The following ARHGAP8 variants were observed in gnomAD, a reference collection of about 807,000 sequenced individuals.
ARHGAP8 encodes rho GTPase-activating protein 8.
In ARHGAP8, 62 loss-of-function variants were observed where a neutral mutation model predicts 46.1. The ratio of observed to expected loss-of-function variants is 1.34; its 90% confidence interval spans 1.10 to 1.66. The LOEUF (loss-of-function observed/expected upper bound fraction) is 1.66. ARHGAP8 is among the 40% of genes most tolerant of loss of function. The pLI is 0.00. For missense variants in ARHGAP8, 923 were observed against 568.4 expected, an observed-to-expected ratio of 1.62 and a Z score of -6.34; for synonymous variants, 375 against 243.1, an observed-to-expected ratio of 1.54 and a Z score of -5.05.
chr22:44,813,630 TAC>T (rs1162388747), intron 4 of ARHGAP8, among the ~76,000 whole-genome samples: 3 of 151,260 alleles, frequency 2.0e-5, no homozygotes, highest in East Asian at 1.9e-4. Flanking sequence ...TACTTATATC[TAC>T]ACACACCTAC....
intron 3 of ARHGAP8, among the ~76,000 whole-genome samples, chr22:44,806,021 G>T (rs1928897747): frequency 6.6e-6 from 1 of 152,192 alleles, no homozygotes; most frequent in Non-Finnish European, 1.5e-5. Flanking sequence ...CAAAGGAAGG[G>T]TGCCTGCTTT....
intron 10 of ARHGAP8, among the ~76,000 whole-genome samples, chr22:44,854,478 C>T (rs2070173740): frequency 6.6e-6 from 1 of 151,952 alleles, no homozygotes; most frequent in Admixed American, 6.6e-5. Context: ...AATGATCCAC[C>T]CACCTCAACC....
intron 7 of ARHGAP8, among the ~76,000 whole-genome samples, chr22:44,844,122 T>A (rs28857274): frequency 0.24 from 36,456 of 151,634 alleles, 5,297 homozygotes; most frequent in African/African-American, 0.41. Context: ...CAGGCATGCA[T>A]CACCACGCCT....
At chr22:44,861,777 C>G (rs116545902) in intron 11 of ARHGAP8, among the ~76,000 whole-genome samples, 3 of 152,098 alleles carry the variant, frequency 2.0e-5, no homozygotes, top group East Asian at 3.9e-4. Flanking sequence ...AGTAATGACT[C>G]CCCCGTGCTG....
At chr22:44,764,708 TGGAATTCTGGCA>T (rs1344523297) in intron 1 of ARHGAP8, among the ~76,000 whole-genome samples, 2 of 152,254 alleles carry the variant, frequency 1.3e-5, no homozygotes, top group African/African-American at 2.4e-5. Context: ...TGCCACTCTC[TGGAATTCTGGCA>T]GTTCACGGGA....
chr22:44,856,965 A>G (rs1409384470), intron 10 of ARHGAP8, among the ~76,000 whole-genome samples: 1 of 138,162 alleles, frequency 7.2e-6, no homozygotes, highest in Non-Finnish European at 1.5e-5. Context: ...TTTGAGACGG[A>G]GTTTTGCTCT....
Position 44,808,349 on chromosome 22 carries a change from T to C in ARHGAP8, c.210T>C (p.Tyr70=). 6.2e-7 allele frequency: 1 copy of C among 1,614,274 alleles called. No homozygotes were observed. Among genetic ancestry groups the C allele is most frequent in the East Asian group, 2.2e-5 (1 of 44,892 alleles). The stretch of plus-strand genomic sequence containing the variant: ...TGGACCAATACGTTGAGAACGATTA[T>C]ACCATCGTCTATTTCCACTACGGGC... The part of the protein sequence containing the change: ...YTLDQYVEND[Y]TIVYFHYGLN... The change falls in exon 4 of 12, where the codon TAT becomes TAC. Residue 70 remains tyrosine, a synonymous_variant. Transcript: ENST00000356099.
intron 3 of ARHGAP8, among the ~76,000 whole-genome samples, chr22:44,807,898 T>A (rs1929046280): frequency 6.6e-6 from 1 of 152,234 alleles, no homozygotes; most frequent in African/African-American, 2.4e-5. Flanking sequence ...CTCATCTTCG[T>A]GTCTGCCTTA....
In ARHGAP8 at chr22:44,792,438, C is replaced by T. The variant is rs192257500; in HGVS notation, c.79+5832C>T. Among the ~76,000 whole-genome samples, 453 of 152,292 alleles carry T rather than the reference C, an allele frequency of 3.0e-3. 3 individuals are homozygous for T. Among genetic ancestry groups the T allele is most frequent in the African/African-American group, 0.01 (427 of 41,572 alleles). On this transcript the variant is annotated intron_variant, in intron 2 of 11. Transcript: ENST00000356099. ...CTGGGCCTCACCTTGGCATCAGCTT[C>T]GTTCTCTCGTACCCTAAGTGCAGTT...
At chr22:44,842,646 G>A (rs986541439) in intron 7 of ARHGAP8, among the ~76,000 whole-genome samples, 10 of 152,250 alleles carry the variant, frequency 6.6e-5, no homozygotes, top group South Asian at 2.1e-4. Context: ...TAGCTGATGC[G>A]TCAGCTGGAG....
At chr22:44,760,108 C>G (rs1006990270) in intron 1 of ARHGAP8, among the ~76,000 whole-genome samples, 6 of 152,222 alleles carry the variant, frequency 3.9e-5, no homozygotes, top group Admixed American at 2.6e-4. Flanking sequence ...CTTGTTTGGA[C>G]TTCGCTGCCG....
At position 44,766,767 on chromosome 22, in the gene ARHGAP8, C is replaced by T. The variant is rs567300567; in HGVS notation, c.-72+14140C>T. On this transcript the variant is annotated intron_variant, in intron 1 of 11. Transcript: ENST00000356099. ...ATCCCTCAGGTGCTTGGCACCAAGT[C>T]GGTGAGTAGTGGGGCAGGGTTCTTG... 8.5e-4 allele frequency among the ~76,000 whole-genome samples: 129 copies of T among 152,200 alleles called. 1 individual carries two copies. The highest frequency in any genetic ancestry group is 2.9e-3 in the Admixed American group (44 of 15,280).
chr22:44,795,053 A>AAC (rs1555912136), intron 2 of ARHGAP8, among the ~76,000 whole-genome samples: 1 of 150,602 alleles, frequency 6.6e-6, no homozygotes, highest in Non-Finnish European at 1.5e-5. Flanking sequence ...AAAAAAAAAA[A>AAC]ACAAAAAACG....
intron 11 of ARHGAP8, 127 bp from the exon 12 acceptor site, chr22:44,862,141 CATTACTG>C: frequency 9.2e-7 from 1 of 1,086,394 alleles, no homozygotes; most frequent in South Asian, 2.1e-5. Flanking sequence ...ACAGGGTCCC[CATTACTG>C]GCTGCCGGCT....
intron 10 of ARHGAP8, chr22:44,850,638 GA>G (rs2147171014): frequency 6.6e-6 from 1 of 152,194 alleles, no homozygotes; most frequent in East Asian, 1.9e-4. Flanking sequence ...ATAGGCCCTG[GA>G]ACCCCTCTTT....
chr22:44,809,427 G>T (rs1293665591), intron 4 of ARHGAP8: 2 of 350,262 alleles, frequency 5.7e-6, no homozygotes, highest in South Asian at 2.2e-5. Context: ...CTGCATGACC[G>T]TTTCTTCACT....
chr22:44,791,845 G>C (rs918989514), intron 2 of ARHGAP8, among the ~76,000 whole-genome samples: 9 of 152,180 alleles, frequency 5.9e-5, no homozygotes, highest in Admixed American at 5.9e-4. Flanking sequence ...GAGGTGCCTG[G>C]AGAAGAGCTT....
At chr22:44,768,361 G>T (rs960622563) in intron 1 of ARHGAP8, among the ~76,000 whole-genome samples, 1 of 151,810 alleles carries the variant, frequency 6.6e-6, no homozygotes, top group Non-Finnish European at 1.5e-5. Flanking sequence ...GGGCAGTGGC[G>T]CAATCAGCCT....
intron 1 of ARHGAP8, among the ~76,000 whole-genome samples, chr22:44,759,429 GAA>G (rs1924948622): frequency 6.6e-6 from 1 of 152,200 alleles, no homozygotes; most frequent in Non-Finnish European, 1.5e-5. Context: ...GTAATTAACA[GAA>G]AACACAACTC....
Sources: allele counts gnomAD v4.1 joint callset (sites outside exome capture counted in the v4.1 genomes callset), GRCh38; gene constraint gnomAD v4.1.1; transcripts MANE v1.5; gene names NCBI Gene and HGNC (gene_info 2026-07-23, HGNC 2026-07-21).